The following MS4A6A variants were observed in gnomAD, a reference collection of about 807,000 sequenced individuals.
MS4A6A encodes membrane spanning 4-domains A6A, also known as membrane-spanning 4-domains subfamily A member 6A.
Under a neutral mutation model 20.6 loss-of-function variants are expected in MS4A6A, and 19 were observed. The observed-to-expected ratio is 0.92, with a 90% CI of 0.64 to 1.36. MS4A6A has a LOEUF of 1.36. Among genes scored for constraint, MS4A6A ranks in the 40% most tolerant of loss-of-function variants. The pLI is 0.00. For missense variants in MS4A6A, 272 were observed against 261.1 expected (o/e 1.04, Z -0.29); for synonymous variants, 108 against 105.0 (o/e 1.03, Z -0.17).
At chr11:60,184,400 C>T (rs1182093096), upstream of MS4A6A, 2 of 152,208 alleles carry the variant, frequency 1.3e-5, no homozygotes, top group East Asian at 1.9e-4. Context: ...GTCACCCTCA[C>T]AGCATCTGTG....
At chr11:60,179,544 T>C in intron 3 of MS4A6A, 1 of 590,022 alleles carries the variant, frequency 1.7e-6, no homozygotes, top group East Asian at 2.8e-5. Flanking sequence ...ATTCATGGAT[T>C]TTTTTTTCGC....
chr11:60,183,309 T>TGA (rs2134823395), upstream of MS4A6A: 1 of 784,262 alleles, frequency 1.3e-6, no homozygotes, highest in Non-Finnish European at 2.0e-6. Flanking sequence ...GCAAGTCTGT[T>TGA]CTTGAAGCTT....
intron 2 of MS4A6A, 96 bp from the exon 3 acceptor site, chr11:60,180,061 C>G: frequency 8.3e-7 from 1 of 1,203,078 alleles, no homozygotes; most frequent in Non-Finnish European, 1.2e-6. Flanking sequence ...TTATCGCCTT[C>G]TGCAAGATCC....
downstream of MS4A6A, chr11:60,172,198 A>AT (rs1245042257): frequency 6.2e-7 from 1 of 1,613,550 alleles, no homozygotes; most frequent in Admixed American, 1.7e-5. Flanking sequence ...GTCATGAGTC[A>AT]TTTTTGAGGA....
At chr11:60,172,254 C>G (rs140130948), downstream of MS4A6A, 186 of 1,611,772 alleles carry the variant, frequency 1.2e-4, no homozygotes, top group African/African-American at 2.3e-3. Flanking sequence ...AAAGTACACT[C>G]TAGAAGAAAC....
At chr11:60,176,504 G>A (rs1372403457) in intron 4 of MS4A6A, among the ~76,000 whole-genome samples, 1 of 152,132 alleles carries the variant, frequency 6.6e-6, no homozygotes, top group Non-Finnish European at 1.5e-5. Context: ...ACACAGAAAA[G>A]AGAATTGAGC....
At chr11:60,175,759 C>T in intron 4 of MS4A6A, 148 bp from the exon 5 acceptor site, 1 of 785,310 alleles carries the variant, frequency 1.3e-6, no homozygotes, top group Non-Finnish European at 2.0e-6. Context: ...CTCCAGTGTC[C>T]AGCAAAAATC....
rs182715262 is a variant in MS4A6A, at chr11:60,176,644, G to A, written c.340-1033C>T. Among the ~76,000 whole-genome samples, 612 of 152,130 alleles carry A rather than the reference G, an allele frequency of 4.0e-3. 8 individuals carry two copies. The highest frequency in any genetic ancestry group is 6.8e-3 in the Middle Eastern group (2 of 294). ...TAGGAACTCACCAGTTGATACTCTG[G>A]GACCCCAATTTCCCAACATAATGAC... On this transcript the variant is annotated intron_variant, in intron 4 of 5. Transcript: ENST00000528851.
intron 5 of MS4A6A, among the ~76,000 whole-genome samples, chr11:60,173,802 T>C (rs1856702125): frequency 6.6e-6 from 1 of 152,318 alleles, no homozygotes; most frequent in African/African-American, 2.4e-5. Flanking sequence ...TCAGAGTTGC[T>C]AATCACCAAC....
intron 4 of MS4A6A, 97 bp downstream of exon 4, chr11:60,178,163 G>C (rs559523101): frequency 8.7e-7 from 1 of 1,154,472 alleles, no homozygotes; most frequent in Non-Finnish European, 1.3e-6. Context: ...CTGGAACTGA[G>C]TTTTCAACTT....
chr11:60,179,575 C>T (rs954909189), intron 3 of MS4A6A: 3 of 589,948 alleles, frequency 5.1e-6, no homozygotes, highest in Non-Finnish European at 9.0e-6. Context: ...AGAGAAGTCA[C>T]TAGCTTCATC....
rs376890624 is a variant in MS4A6A, at chr11:60,173,121, G to C, written c.558C>G (p.Leu186=). The change falls in exon 6 of 6, where the codon CTC becomes CTG. Residue 186 remains leucine, a synonymous_variant. Transcript: ENST00000528851. ...GCAGAGTGCAAATCAGCATCAGAGAGAGAGTTCCCTGAAAGTCAAGAAATA... is the reference window on the plus strand; with the variant it reads ...GCAGAGTGCAAATCAGCATCAGAGACAGAGTTCCCTGAAAGTCAAGAAATA... ...YTAKASLAGT[L]SLMLICTLLE... is the part of the protein sequence containing the mutation. 2.2e-5 allele frequency: 35 copies of C among 1,613,704 alleles called. No homozygotes were observed. The highest frequency in any genetic ancestry group is 8.9e-5 in the East Asian group (4 of 44,882).
intron 4 of MS4A6A, among the ~76,000 whole-genome samples, chr11:60,176,208 G>A (rs1856828991): frequency 6.6e-6 from 1 of 152,200 alleles, no homozygotes; most frequent in African/African-American, 2.4e-5. Flanking sequence ...AACATGGGCA[G>A]GCATATGATT....
chr11:60,175,762 C>T, intron 4 of MS4A6A, 151 bp from the exon 5 acceptor site: 1 of 782,422 alleles, frequency 1.3e-6, no homozygotes, highest in South Asian at 1.8e-5. Flanking sequence ...CAGTGTCCAG[C>T]AAAAATCTCT....
At position 60,175,394 on chromosome 11, in the gene MS4A6A, ATACT is replaced by A. The variant is rs778323485; in HGVS notation, c.549+4_549+7del. ...TAAGATTAGAACATCCCATCTAAAA[ATACT>A]TACAGCCAGACTGGCTTTGGCTGTA... is the stretch of plus-strand genomic sequence containing the variant. On this transcript the variant is annotated splice_donor_5th_base_variant and intron_variant, in intron 5 of 5. Transcript: ENST00000528851. 4 of 1,605,918 alleles carry A rather than the reference ATACT, an allele frequency of 2.5e-6. No homozygotes were observed. Among genetic ancestry groups the A allele is most frequent in the Middle Eastern group, 1.7e-4 (1 of 6,038 alleles).
chr11:60,174,608 G>A (rs634475), intron 5 of MS4A6A, among the ~76,000 whole-genome samples: 86,190 of 151,940 alleles, frequency 0.57, 24,748 homozygotes, highest in Admixed American at 0.65. Flanking sequence ...ATAGGGGTGA[G>A]CCACTGACCC....
At position 60,181,791 on chromosome 11, in the gene MS4A6A, G is replaced by A. The variant is rs114663238; in HGVS notation, c.-14-50C>T. 3.2e-5 allele frequency: 51 copies of A among 1,577,934 alleles called. 1 individual carries two copies. In the Middle Eastern group the frequency reaches 5.1e-4, roughly 16 times the overall value. On this transcript the variant is annotated intron_variant, in intron 1 of 5. Coordinates refer to ENST00000528851, the MANE Select transcript of MS4A6A (RefSeq NM_022349.4). ...CTCTTAAAAAGTACAGAGCTCCCAG[G>A]TTCTGACTCCAAAAACAGTAACTCA...
intron 1 of MS4A6A, 108 bp from the exon 2 acceptor site, chr11:60,181,849 C>T (rs1857153482): frequency 9.2e-7 from 1 of 1,092,672 alleles, no homozygotes; most frequent in South Asian, 1.5e-5. Context: ...TTGGCCTGTC[C>T]ATTAGAGAAA....
upstream of MS4A6A, chr11:60,183,104 G>C (rs2083827309): frequency 6.6e-7 from 1 of 1,524,122 alleles, no homozygotes; most frequent in Non-Finnish European, 8.8e-7. Context: ...CCTTATTCCA[G>C]TGTTTACAGC....
Sources: gnomAD v4.1 joint callset for allele counts (sites outside exome capture counted in the v4.1 genomes callset) on GRCh38, gnomAD v4.1.1 for gene constraint, MANE v1.5 for transcripts, NCBI Gene and HGNC (gene_info 2026-07-23, HGNC 2026-07-21) for gene names.